The following CHRM1 variants were observed in gnomAD, a reference collection of about 807,000 sequenced individuals.
The protein encoded by CHRM1 is muscarinic acetylcholine receptor M1.
CHRM1 carries 5 observed loss-of-function variants against 31.6 expected under a neutral mutation model. That is an observed-to-expected ratio of 0.16 (90% confidence interval 0.08 to 0.33). CHRM1 has a LOEUF of 0.33. Among genes scored for constraint, CHRM1 ranks in the 10% least tolerant of loss-of-function variants. CHRM1 has a pLI of 1.00. For missense variants in CHRM1, 338 were observed against 610.3 expected (o/e 0.55, Z 4.70); for synonymous variants, 227 against 249.7 (o/e 0.91, Z 0.86).
chr11:62,912,675 A>G (rs1385557435), intron 1 of CHRM1, among the ~76,000 whole-genome samples: 1 of 152,180 alleles, frequency 6.6e-6, no homozygotes, highest in Non-Finnish European at 1.5e-5. Flanking sequence ...GCCACAGTGA[A>G]GCCAGATGGA....
In CHRM1 at chr11:62,910,228, T is replaced by C; in HGVS notation, c.873A>G (p.Ser291=). 1 of 1,611,044 alleles carries C rather than the reference T, an allele frequency of 6.2e-7. No homozygotes were observed. The highest frequency in any genetic ancestry group is 8.5e-7 in the Non-Finnish European group (1 of 1,178,810). The stretch of plus-strand genomic sequence containing the variant: ...CTTCGGAGCCAGGCTCCTCTCCCTC[T>C]GAGGATGTGAGGGACTCCATGGAGC... The part of the protein sequence containing the change: ...DEGSMESLTS[S]EGEEPGSEVV... The change falls in exon 2 of 2, where the codon TCA becomes TCG. Residue 291 remains serine (S), a synonymous_variant. Coordinates refer to ENST00000306960, the MANE Select transcript of CHRM1 (RefSeq NM_000738.3). The surrounding 1 kb of genome is among the most constrained non-coding windows in gnomAD (Gnocchi z 8.7).
chr11:62,919,555 C>T (rs2085919834), intron 1 of CHRM1, among the ~76,000 whole-genome samples: 1 of 152,142 alleles, frequency 6.6e-6, no homozygotes, highest in Non-Finnish European at 1.5e-5. Flanking sequence ...CTCCGCAAGC[C>T]CCCTGCTCCT....
At position 62,910,057 on chromosome 11, in the gene CHRM1, C is replaced by T. The variant is rs2067478; in HGVS notation, c.1044G>A (p.Gln348=). Reference sequence around the variant, plus strand: ...GCGAGAAGGTCTTCCGCTTGGCCAGCTGCTCCTTTCCACGGGGCTTCTGGC... The same window carrying T: ...GCGAGAAGGTCTTCCGCTTGGCCAGTTGCTCCTTTCCACGGGGCTTCTGGC... ...GKGQKPRGKE[Q]LAKRKTFSLV... Residue 348 remains glutamine (Q), a synonymous_variant, in exon 2 of 2, where the codon CAG becomes CAA. Coordinates refer to ENST00000306960, the MANE Select transcript of CHRM1 (RefSeq NM_000738.3). The surrounding 1 kb of genome is among the most constrained non-coding windows in gnomAD (Gnocchi z 8.7). 0.037 allele frequency: 60,105 copies of T among 1,613,392 alleles called. 1,568 individuals carry two copies. Among genetic ancestry groups the T allele is most frequent in the African/African-American group, 0.11 (8,303 of 75,016 alleles).
rs2085854825 is a variant in CHRM1, at chr11:62,909,423, G to A, written c.*295C>T. 1 of 430,702 alleles carries A rather than the reference G, an allele frequency of 2.3e-6. No individual in the cohort carries two copies. The allele number at this position is 430,702 out of a possible 1,614,324, so 26.7% of individuals were successfully genotyped here. A position where few individuals can be genotyped will look rare whatever the true frequency, so the allele number is the denominator to read the frequency against. On this transcript the variant is annotated 3_prime_UTR_variant, in exon 2 of 2. Transcript: ENST00000306960. ...CTGGCTCCTGACTTCCTGCCTAAAG[G>A]CAAACAAGGAGTCCAAAGCCCGGAT... is the stretch of plus-strand genomic sequence containing the variant.
chr11:62,911,306 C>T (rs998170639), intron 1 of CHRM1, 128 bp from the exon 2 acceptor site: 28 of 583,480 alleles, frequency 4.8e-5, no homozygotes, highest in East Asian at 1.1e-4. Context: ...CCTCCCTTAC[C>T]GGTGCCCACT....
chr11:62,912,717 CT>C (rs56783086), intron 1 of CHRM1, among the ~76,000 whole-genome samples: 18,767 of 152,262 alleles, frequency 0.12, 1,477 homozygotes, highest in Admixed American at 0.27. Context: ...CAGCCAGGGG[CT>C]TGCTGCCATG....
At chr11:62,911,521 C>T (rs1408395652) in intron 1 of CHRM1, among the ~76,000 whole-genome samples, 1 of 152,178 alleles carries the variant, frequency 6.6e-6, no homozygotes, top group East Asian at 1.9e-4. Flanking sequence ...GTATACAGTC[C>T]TGCCAAATTC....
At chr11:62,915,565 G>A (rs896324237) in intron 1 of CHRM1, among the ~76,000 whole-genome samples, 9 of 152,186 alleles carry the variant, frequency 5.9e-5, no homozygotes, top group African/African-American at 1.4e-4. Flanking sequence ...GTATTTTTAC[G>A]TCCCCCTCTT....
At chr11:62,915,521 ATAT>A (rs2085895915) in intron 1 of CHRM1, among the ~76,000 whole-genome samples, 1 of 152,202 alleles carries the variant, frequency 6.6e-6, no homozygotes, top group Non-Finnish European at 1.5e-5. Flanking sequence ...ATTTAAAAAA[ATAT>A]TATTATGATA....
Position 62,910,431 on chromosome 11 carries a change from C to A in CHRM1, c.670G>T (p.Ala224Ser). 1.9e-6 allele frequency: 3 copies of A among 1,613,426 alleles called. No homozygotes were observed. Among genetic ancestry groups the A allele is most frequent in the Non-Finnish European group, 2.5e-6 (3 of 1,180,042 alleles). ...CCTGGCGTCTCGGAGCCCTGAAGGGCTGCCAGCTCCCGTGCTCGGTTCTCT... is the reference window on the plus strand; with the variant it reads ...CCTGGCGTCTCGGAGCCCTGAAGGGATGCCAGCTCCCGTGCTCGGTTCTCT... ...ETENRARELA[A>S]LQGSETPGKG... The change falls in exon 2 of 2, where the codon GCC becomes TCC. Residue 224 changes from alanine (A) to serine (S), a missense_variant. Physicochemically the swap from Ala to Ser is moderately conservative, Grantham distance 99 (BLOSUM62 1). This residue lies in a region of CHRM1 where 183 missense variants were observed against 223.4 expected (regional missense o/e 0.82). Coordinates refer to ENST00000306960, the MANE Select transcript of CHRM1 (RefSeq NM_000738.3). The surrounding 1 kb of genome is among the most constrained non-coding windows in gnomAD (Gnocchi z 8.7).
chr11:62,910,071 G>C lies in CHRM1; in HGVS notation c.1030C>G (p.Arg344Gly). Residue 344 changes from arginine to glycine, a missense_variant, in exon 2 of 2, where the codon CGT becomes GGT. By Grantham distance (125) the Arg-to-Gly change is moderately radical. Transcript: ENST00000306960. The surrounding 1 kb of genome is among the most constrained non-coding windows in gnomAD (Gnocchi z 8.7). ...RDRAGKGQKP[R>G]GKEQLAKRKT... is the part of the protein sequence containing the mutation. ...CGCTTGGCCAGCTGCTCCTTTCCAC[G>C]GGGCTTCTGGCCCTTGCCAGCTCGA... 1.2e-6 allele frequency: 2 copies of C among 1,613,066 alleles called. No homozygotes were observed. Among genetic ancestry groups the C allele is most frequent in the East Asian group, 4.5e-5 (2 of 44,872 alleles).
At chr11:62,914,795 CA>C (rs916666412) in intron 1 of CHRM1, among the ~76,000 whole-genome samples, 3 of 152,186 alleles carry the variant, frequency 2.0e-5, no homozygotes, top group Non-Finnish European at 4.4e-5. Context: ...CTGAGTTAGA[CA>C]AGAGGAGGTT....
Position 62,909,643 on chromosome 11 carries a change from G to T in CHRM1, c.*75C>A. The stretch of plus-strand genomic sequence containing the variant: ...GAGGCCTGAGCAGGGCCCTGGGGCT[G>T]AGGATGCAGCCCCTGCCCTCTTCCC... On this transcript the variant is annotated 3_prime_UTR_variant, in exon 2 of 2. Transcript: ENST00000306960. 1 of 1,540,886 alleles carries T rather than the reference G, an allele frequency of 6.5e-7. No homozygotes were observed.
rs557706714 is a variant in CHRM1, at chr11:62,913,905, C to T, written c.-78-2727G>A. ...TGTCATACAGGCTGGAGTGCAGTTG[C>T]GCGATCTCGGCTCACTGCAGCTATT... On this transcript the variant is annotated intron_variant, in intron 1 of 1. Coordinates refer to ENST00000306960, the MANE Select transcript of CHRM1 (RefSeq NM_000738.3). Among the ~76,000 whole-genome samples, 4 of 150,154 alleles carry T rather than the reference C, an allele frequency of 2.7e-5. No homozygotes were observed. In the South Asian group the frequency reaches 6.4e-4, roughly 24 times the overall value.
rs1203439047 is a variant in CHRM1 at position 62,909,763 on chromosome 11, GGGGATCTTGC to G, written c.1328_1337del (p.Arg443ProfsTer116). On this transcript the variant is annotated frameshift_variant, in exon 2 of 2. Transcript: ENST00000306960. LOFTEE classifies it high-confidence loss of function. ...TGCGGTGCACGGAGCCAGGGCGCTTGGGGATCTTGCGCCAGCGTCTCTTGTCCCAGCGGCA... is the reference window on the plus strand; with the variant it reads ...TGCGGTGCACGGAGCCAGGGCGCTTGGCCAGCGTCTCTTGTCCCAGCGGCA... 6.2e-7 allele frequency: 1 copy of G among 1,614,016 alleles called. No individual in the cohort carries two copies. Among genetic ancestry groups the G allele is most frequent in the African/African-American group, 1.3e-5 (1 of 74,948 alleles).
At chr11:62,914,625 C>T (rs1014727160) in intron 1 of CHRM1, among the ~76,000 whole-genome samples, 1 of 152,212 alleles carries the variant, frequency 6.6e-6, no homozygotes, top group Non-Finnish European at 1.5e-5. Flanking sequence ...ATGCCCATCG[C>T]TCACAGGGAG....
chr11:62,911,866 G>A (rs1197352793), intron 1 of CHRM1, among the ~76,000 whole-genome samples: 1 of 152,224 alleles, frequency 6.6e-6, no homozygotes, highest in African/African-American at 2.4e-5. Context: ...GAGATGGGAA[G>A]AAAGGGGAGT....
intron 1 of CHRM1, among the ~76,000 whole-genome samples, chr11:62,919,232 C>A (rs1348500158): frequency 1.3e-5 from 2 of 152,164 alleles, no homozygotes; most frequent in Admixed American, 1.3e-4. Flanking sequence ...AACTTCCACC[C>A]CTGATGTCTG....
At chr11:62,917,243 C>A (rs1236070270) in intron 1 of CHRM1, among the ~76,000 whole-genome samples, 1 of 152,168 alleles carries the variant, frequency 6.6e-6, no homozygotes, top group Admixed American at 6.5e-5. Context: ...GGGAGACCAG[C>A]CCTAGGCTGA....
Sources: gnomAD v4.1 joint callset for allele counts (sites outside exome capture counted in the v4.1 genomes callset) on GRCh38, gnomAD v4.1.1 for gene constraint, gnomAD v4.1.1 regional missense constraint, Gnocchi (gnomAD v3.1) non-coding constraint, MANE v1.5 for transcripts, NCBI Gene and HGNC (gene_info 2026-07-23, HGNC 2026-07-21) for gene names.